RBBP8: variants seen among roughly 807,000 people sequenced by gnomAD.
The protein encoded by RBBP8 is DNA endonuclease RBBP8.
Under a neutral mutation model 108.3 loss-of-function variants are expected in RBBP8, and 88 were observed. That is an observed-to-expected ratio of 0.81 (90% CI 0.68 to 0.97). The LOEUF (loss-of-function observed/expected upper bound fraction) is 0.97. Ranked by LOEUF, RBBP8 falls within the 50% of genes least tolerant of loss-of-function variation. The pLI, the probability that RBBP8 is intolerant of heterozygous loss-of-function variation, is 0.00. For synonymous variants in RBBP8, 332 were observed against 348.2 expected, an observed-to-expected ratio of 0.95 and a Z score of 0.52; for missense variants, 1,023 against 1,049.0, an observed-to-expected ratio of 0.98 and a Z score of 0.34.
chr18:23,025,038 A>G (rs2046431017), intron 18 of RBBP8, among the ~76,000 whole-genome samples: 1 of 152,142 alleles, frequency 6.6e-6, no homozygotes, highest in Admixed American at 6.5e-5. Context: ...CATTGAGCCC[A>G]GGAGTTCGAG....
At chr18:22,972,129 G>T (rs1418157010) in intron 5 of RBBP8, among the ~76,000 whole-genome samples, 4 of 149,124 alleles carry the variant, frequency 2.7e-5, no homozygotes, top group Non-Finnish European at 4.4e-5. Context: ...GCTGAGGTGG[G>T]TGGATCACAA....
At chr18:22,921,215 A>C (rs185944200) in intron 3 of RBBP8, among the ~76,000 whole-genome samples, 75 of 152,284 alleles carry the variant, frequency 4.9e-4, no homozygotes, top group African/African-American at 1.7e-3. Flanking sequence ...GGAAGGAAGG[A>C]AGGCCAATAC....
intron 5 of RBBP8, among the ~76,000 whole-genome samples, chr18:22,973,204 A>G (rs1039844517): frequency 2.0e-5 from 3 of 152,166 alleles, no homozygotes; most frequent in Non-Finnish European, 4.4e-5. Flanking sequence ...TCTTCTAAGA[A>G]TACTCCCTTT....
At chr18:23,016,950 T>G in intron 17 of RBBP8, 26 bp downstream of exon 17, 1 of 1,500,338 alleles carries the variant, frequency 6.7e-7, no homozygotes, top group South Asian at 1.1e-5. Context: ...GATACTAATT[T>G]TTTTTTAAGT....
intron 7 of RBBP8, 45 bp downstream of exon 7, chr18:22,982,438 G>A (rs1191020219): frequency 6.2e-7 from 1 of 1,610,412 alleles, no homozygotes; most frequent in Non-Finnish European, 8.5e-7. Context: ...TTGTAAACCA[G>A]TGTTCATCTA....
chr18:22,982,707 A>G (rs1469332267), intron 7 of RBBP8, among the ~76,000 whole-genome samples: 1 of 152,256 alleles, frequency 6.6e-6, no homozygotes, highest in Non-Finnish European at 1.5e-5. Flanking sequence ...GAAAAAGGAA[A>G]GGAACTTAAT....
At chr18:22,950,563 C>T (rs1016034603) in intron 4 of RBBP8, among the ~76,000 whole-genome samples, 2 of 100,506 alleles carry the variant, frequency 2.0e-5, no homozygotes, top group South Asian at 4.2e-4. Context: ...AGAGCAAGAC[C>T]GTGTCTCCAA....
chr18:23,005,185 A>C (rs1040972674), intron 15 of RBBP8, among the ~76,000 whole-genome samples: 1 of 152,096 alleles, frequency 6.6e-6, no homozygotes, highest in African/African-American at 2.4e-5. Context: ...AAAAATAAAA[A>C]GCTAAATAGA....
chr18:22,993,935 T>C, intron 12 of RBBP8, 88 bp downstream of exon 12: 2 of 1,426,484 alleles, frequency 1.4e-6, no homozygotes, highest in Non-Finnish European at 1.9e-6. Context: ...TTGAATTGTT[T>C]TGGAAAAAAA....
At chr18:22,952,060 AG>A in intron 4 of RBBP8, among the ~76,000 whole-genome samples, 2 of 152,204 alleles carry the variant, frequency 1.3e-5, no homozygotes, top group Non-Finnish European at 2.9e-5. Flanking sequence ...AGGAACAGAA[AG>A]TCTACTGTGG....
At chr18:23,022,642 A>AAAAAAAAT (rs2046375161) in intron 18 of RBBP8, among the ~76,000 whole-genome samples, 1 of 58,714 alleles carries the variant, frequency 1.7e-5, no homozygotes, top group African/African-American at 5.8e-5. Context: ...TAAAATAAAT[A>AAAAAAAAT]AAATACAATA....
chr18:22,949,855 A>C, intron 4 of RBBP8, 142 bp downstream of exon 4: 1 of 636,126 alleles, frequency 1.6e-6, no homozygotes, highest in Non-Finnish European at 2.8e-6. Context: ...TACTTTATGA[A>C]AACAAGGATC....
intron 4 of RBBP8, among the ~76,000 whole-genome samples, chr18:22,963,933 A>T (rs1256277887): frequency 6.6e-6 from 1 of 152,158 alleles, no homozygotes; most frequent in Non-Finnish European, 1.5e-5. Context: ...AAAAAAAATT[A>T]ATGATAGGAA....
intron 6 of RBBP8, among the ~76,000 whole-genome samples, chr18:22,980,713 G>GT (rs1567974999): frequency 6.6e-6 from 1 of 150,572 alleles, no homozygotes. Context: ...GTCTTTTTGG[G>GT]GTTTTTTTTT....
chr18:22,985,657 G>A (rs1453827978), intron 8 of RBBP8, among the ~76,000 whole-genome samples: 1 of 152,050 alleles, frequency 6.6e-6, no homozygotes, highest in African/African-American at 2.4e-5. Context: ...AGCCGCAGGT[G>A]TATAGGTTGG....
chr18:23,008,653 T>C (rs1458818037), intron 16 of RBBP8, among the ~76,000 whole-genome samples: 2 of 152,188 alleles, frequency 1.3e-5, no homozygotes. Context: ...CCCTAGTTCC[T>C]TTTAGTGAGA....
intron 16 of RBBP8, among the ~76,000 whole-genome samples, chr18:23,012,210 A>G (rs1055283481): frequency 7.3e-6 from 1 of 136,774 alleles, no homozygotes; most frequent in African/African-American, 3.4e-5. Flanking sequence ...GCTGTCTCCA[A>G]AAAAAAAAAA....
At chr18:22,953,784 T>G (rs1912245957) in intron 4 of RBBP8, among the ~76,000 whole-genome samples, 1 of 152,048 alleles carries the variant, frequency 6.6e-6, no homozygotes, top group South Asian at 2.1e-4. Context: ...TTCACGCTGA[T>G]TTAAAGGACT....
intron 15 of RBBP8, among the ~76,000 whole-genome samples, chr18:23,006,128 G>C (rs894932676): frequency 5.9e-5 from 9 of 151,862 alleles, no homozygotes; most frequent in Admixed American, 5.9e-4. Flanking sequence ...GGAGCTTGCA[G>C]TGAGCAGAGA....
Sources: gnomAD v4.1 joint callset for allele counts (sites outside exome capture counted in the v4.1 genomes callset) on GRCh38, gnomAD v4.1.1 for gene constraint, MANE v1.5 for transcripts, NCBI Gene and HGNC (gene_info 2026-07-23, HGNC 2026-07-21) for gene names.